The following FLYWCH1 variants were observed in gnomAD, a reference collection of about 807,000 sequenced individuals.
FLYWCH1 encodes FLYWCH-type zinc finger-containing protein 1.
Under a neutral mutation model 66.4 loss-of-function variants are expected in FLYWCH1, and 75 were observed. The observed-to-expected ratio is 1.13, with a 90% CI of 0.94 to 1.37. The LOEUF (loss-of-function observed/expected upper bound fraction) is 1.37. Ranked by LOEUF, FLYWCH1 falls within the 40% of genes most tolerant of loss-of-function variation. FLYWCH1 has a pLI of 0.00. For missense variants in FLYWCH1, 1,334 were observed against 1,001.8 expected (o/e 1.33, Z -4.48); for synonymous variants, 595 against 429.9 (o/e 1.38, Z -4.75).
chr16:2,937,076 C>T (rs1442841845), intron 6 of FLYWCH1, 45 bp from the exon 7 acceptor site: 35 of 1,546,284 alleles, frequency 2.3e-5, no homozygotes, highest in Non-Finnish European at 3.1e-5. Context: ...GATCTGGGCT[C>T]TGAGAGCTGG....
chr16:2,930,063 C>T (rs563808709), intron 3 of FLYWCH1, 53 bp downstream of exon 3: 14 of 1,481,464 alleles, frequency 9.5e-6, no homozygotes, highest in Admixed American at 1.8e-5. Context: ...TCCAGCGCTC[C>T]CAGCAGGCCC....
chr16:2,925,062 A>G (rs868248654), intron 2 of FLYWCH1, among the ~76,000 whole-genome samples: 1 of 152,296 alleles, frequency 6.6e-6, no homozygotes, highest in Non-Finnish European at 1.5e-5. Context: ...CTGCACTCCC[A>G]TGGCGCAGCT....
Position 2,933,588 on chromosome 16 carries a change from C to T in FLYWCH1, c.1249+6C>T, listed in dbSNP as rs1464392789. The T allele has an allele frequency of 1.9e-6, 3 of 1,580,380 alleles. No homozygotes were observed. The highest frequency in any genetic ancestry group is 8.6e-7 in the Non-Finnish European group (1 of 1,162,940). ...GGACATGGACGCAGACCCGGGTGAG[C>T]TGCCTTCCTTTGGGGCTCACCGGCC... is the stretch of plus-strand genomic sequence containing the variant. On this transcript the variant is annotated splice_donor_region_variant and intron_variant, in intron 5 of 9. Coordinates refer to ENST00000253928, the MANE Select transcript of FLYWCH1 (RefSeq NM_001308068.2).
intron 9 of FLYWCH1, 63 bp downstream of exon 9, chr16:2,940,155 C>A: frequency 1.2e-6 from 1 of 808,468 alleles, no homozygotes; most frequent in Non-Finnish European, 2.1e-6. Flanking sequence ...GGGCTTAAAA[C>A]AACAAATATT....
chr16:2,921,964 G>C (rs1019030781), intron 2 of FLYWCH1, among the ~76,000 whole-genome samples: 2 of 152,168 alleles, frequency 1.3e-5, no homozygotes, highest in African/African-American at 4.8e-5. Context: ...TCAGGAGGCT[G>C]AGGCGGGAGA....
chr16:2,933,396 C>G lies in FLYWCH1; in HGVS notation c.1063C>G (p.Gln355Glu), dbSNP rs1187034948. The change falls in exon 5 of 10, where the codon CAG becomes GAG. Residue 355 changes from glutamine to glutamate, a missense_variant. By Grantham distance (29) the Gln-to-Glu change is conservative. Transcript: ENST00000253928. ...GGCCGTGGAGACGCTGCAGGCTGGG[C>G]AGGACGGCCCTGGGAGCCAAGTGGA... ...EKAVETLQAG[Q>E]DGPGSQVDTL... 1 of 1,601,632 alleles carries G rather than the reference C, an allele frequency of 6.2e-7. No homozygotes were observed. The highest frequency in any genetic ancestry group is 1.7e-5 in the Admixed American group (1 of 57,942).
chr16:2,926,421 T>A (rs1372427241), intron 2 of FLYWCH1, among the ~76,000 whole-genome samples: 2 of 152,188 alleles, frequency 1.3e-5, no homozygotes, highest in African/African-American at 4.8e-5. Context: ...TGTAATAGAT[T>A]GTGAAGAAGA....
intron 9 of FLYWCH1, among the ~76,000 whole-genome samples, chr16:2,945,562 TGCAGTGCACTGAGATCGTG>T (rs1176044533): frequency 1.8e-4 from 26 of 146,944 alleles, no homozygotes; most frequent in Non-Finnish European, 2.7e-4. Flanking sequence ...AAGCTGAGGC[TGCAGTGCACTGAGATCGTG>T]GCAGTGCACC....
rs371781106 is a variant in FLYWCH1, at chr16:2,922,720, G to T, written c.-73-6893G>T. ...TCCTGATCAGGAGCCAGTGGAACAT[G>T]TGCCTTCTTCTCTCCATCAGGCCCA... On this transcript the variant is annotated intron_variant, in intron 2 of 9. Transcript: ENST00000253928. 14 of 499,440 alleles carry T rather than the reference G, an allele frequency of 2.8e-5. No homozygotes were observed. The East Asian group carries it at 7.7e-4, about 27-fold the overall frequency. 30.9% of individuals were successfully genotyped at this position (499,440 alleles called of 1,614,324 possible). A position where few individuals can be genotyped will look rare whatever the true frequency, so the allele number is the denominator to read the frequency against.
chr16:2,919,529 G>A (rs1314975645), intron 2 of FLYWCH1, among the ~76,000 whole-genome samples: 1 of 152,084 alleles, frequency 6.6e-6, no homozygotes. Context: ...CTGCCGAAGT[G>A]CTGGGATTAC....
At chr16:2,932,294 AAAG>A in intron 4 of FLYWCH1, among the ~76,000 whole-genome samples, 1 of 142,742 alleles carries the variant, frequency 7.0e-6, no homozygotes, top group African/African-American at 2.6e-5. Flanking sequence ...AAAAAAAAAA[AAAG>A]ATGGCTGGTG....
rs954179925 is a variant in FLYWCH1, at chr16:2,945,921, C to T, written c.2112-2767C>T. On this transcript the variant is annotated intron_variant, in intron 9 of 9. Coordinates refer to ENST00000253928, the MANE Select transcript of FLYWCH1 (RefSeq NM_001308068.2). Reference sequence around the variant, plus strand: ...CTGAGGCAGGAGAATGGCGTGAACCCGGGAGGCAGAGCTTGCAGTGAGCCG... The same window carrying T: ...CTGAGGCAGGAGAATGGCGTGAACCTGGGAGGCAGAGCTTGCAGTGAGCCG... Among the ~76,000 whole-genome samples the T allele has an allele frequency of 4.6e-5, 7 of 151,424 alleles. No individual in the cohort carries two copies. In the South Asian group the frequency reaches 6.3e-4, roughly 14 times the overall value.
chr16:2,923,740 T>A (rs2070458601), intron 2 of FLYWCH1, among the ~76,000 whole-genome samples: 1 of 152,106 alleles, frequency 6.6e-6, no homozygotes, highest in Middle Eastern at 3.2e-3. Flanking sequence ...ATTCCATCTA[T>A]TAAAAAGCCA....
chr16:2,934,030 C>T (rs1416182231), intron 6 of FLYWCH1, 51 bp downstream of exon 6: 2 of 1,468,794 alleles, frequency 1.4e-6, no homozygotes, highest in East Asian at 2.5e-5. Context: ...GCAGGAGCCC[C>T]ACACTGCCTT....
In FLYWCH1 at chr16:2,933,570, G is replaced by A. The variant is rs148332480; in HGVS notation, c.1237G>A (p.Asp413Asn). The change falls in exon 5 of 10, where the codon GAC becomes AAC. Residue 413 changes from aspartate to asparagine, a missense_variant. Coordinates refer to ENST00000253928, the MANE Select transcript of FLYWCH1 (RefSeq NM_001308068.2). ...GGCCCCAGACGAGCACCAGGACATG[G>A]ACGCAGACCCGGGTGAGCTGCCTTC... Reference protein sequence around the residue: ...PEAPDEHQDMDADPGGPEFLK... With the variant: ...PEAPDEHQDMNADPGGPEFLK... 1 of 1,592,780 alleles carries A rather than the reference G, an allele frequency of 6.3e-7. No individual in the cohort carries two copies. Among genetic ancestry groups the A allele is most frequent in the South Asian group, 1.1e-5 (1 of 88,326 alleles).
chr16:2,919,004 G>A (rs763743822), intron 2 of FLYWCH1, among the ~76,000 whole-genome samples: 1 of 151,890 alleles, frequency 6.6e-6, no homozygotes, highest in African/African-American at 2.4e-5. Context: ...CTGGAGTGCA[G>A]TGGCATGATC....
At chr16:2,936,723 C>T (rs2071018453) in intron 6 of FLYWCH1, 1 of 474,584 alleles carries the variant, frequency 2.1e-6, no homozygotes, top group Non-Finnish European at 4.2e-6. Flanking sequence ...CCACCCCTCT[C>T]AGCCCCATCC....
intron 4 of FLYWCH1, 93 bp downstream of exon 4, chr16:2,930,973 G>A (rs1686033014): frequency 1.4e-5 from 14 of 995,194 alleles, no homozygotes; most frequent in Non-Finnish European, 2.0e-5. Flanking sequence ...GTCCCACAGG[G>A]TCTTTTAAAA....
At chr16:2,933,668 C>G in intron 5 of FLYWCH1, 48 bp from the exon 6 acceptor site, 1 of 1,584,506 alleles carries the variant, frequency 6.3e-7, no homozygotes, top group Non-Finnish European at 8.6e-7. Flanking sequence ...GCGATCAGGC[C>G]TACCCAGCCC....
Sources: gnomAD v4.1 joint callset for allele counts (sites outside exome capture counted in the v4.1 genomes callset) on GRCh38, gnomAD v4.1.1 for gene constraint, MANE v1.5 for transcripts, NCBI Gene and HGNC (gene_info 2026-07-23, HGNC 2026-07-21) for gene names.